Variants in PAQR3 observed in about 807,000 individuals in gnomAD.
PAQR3 encodes Raf kinase trapping to Golgi.
Under a neutral mutation model 41.7 loss-of-function variants are expected in PAQR3, and 39 were observed. That is an observed-to-expected ratio of 0.93 (90% confidence interval 0.72 to 1.22). The LOEUF is 1.22. PAQR3 is among the 50% of genes most tolerant of loss of function. The pLI is 0.00. For synonymous variants in PAQR3, 140 were observed against 140.6 expected, an observed-to-expected ratio of 1.00 and a Z score of 0.03; for missense variants, 366 against 385.6, an observed-to-expected ratio of 0.95 and a Z score of 0.42.
Position 78,901,827 on chromosome 4 carries a change from A to G in PAQR3, c.*836+4281T>C, listed in dbSNP as rs1482051684. 5.3e-5 allele frequency among the ~76,000 whole-genome samples: 8 copies of G among 152,206 alleles called. No homozygotes were observed. In the East Asian group the frequency reaches 1.5e-3, roughly 29 times the overall value. ...TTTTAGTGACATGTAGGCCATATTA[A>G]TTAGGTCACTGAAGTTTTAGATTTC... On this transcript the variant is annotated intron_variant and NMD_transcript_variant, in intron 11 of 12. Coordinates refer to the PAQR3 transcript ENST00000342820.
At position 78,939,201 on chromosome 4, in the gene PAQR3, G is replaced by A. The variant is rs1737775027; in HGVS notation, c.24C>T (p.Ser8=). 2.5e-6 allele frequency: 4 copies of A among 1,608,058 alleles called. No homozygotes were observed. Among genetic ancestry groups the A allele is most frequent in the Non-Finnish European group, 3.4e-6 (4 of 1,177,574 alleles). The change falls in exon 1 of 6, where the codon AGC becomes AGT. Residue 8 remains serine (S), a synonymous_variant. Coordinates refer to ENST00000512733, the MANE Select transcript of PAQR3 (RefSeq NM_001040202.2). MHQKLLK[S]AHYIELGSYQ... Reference sequence around the variant, plus strand: ...AGCTGCCCAGCTCGATGTAATGCGCGCTCTTCAGCAGCTTCTGATGCATCG... The same window carrying A: ...AGCTGCCCAGCTCGATGTAATGCGCACTCTTCAGCAGCTTCTGATGCATCG...
At chr4:78,937,692 T>C (rs571249902) in intron 1 of PAQR3, among the ~76,000 whole-genome samples, 10 of 152,222 alleles carry the variant, frequency 6.6e-5, no homozygotes, top group Non-Finnish European at 1.2e-4. Flanking sequence ...TCAGTGAGGT[T>C]ACATTTTGCT....
downstream of PAQR3, among the ~76,000 whole-genome samples, chr4:78,910,304 A>C (rs1734518184): frequency 6.6e-6 from 1 of 152,194 alleles, no homozygotes; most frequent in Non-Finnish European, 1.5e-5. Context: ...TGGTGGGGTG[A>C]AGAAAATTTG....
chr4:78,939,383 A>C lies in PAQR3; in HGVS notation c.-159T>G. The stretch of plus-strand genomic sequence containing the variant: ...CTGCCCAGGGCCCGGCTCTGCGCTC[A>C]CACCGGCCACTGCCGCCAGCGCCGC... On this transcript the variant is annotated 5_prime_UTR_variant, in exon 1 of 6. Transcript: ENST00000512733. The C allele has an allele frequency of 2.2e-6, 1 of 463,726 alleles. No individual in the cohort carries two copies. Among genetic ancestry groups the C allele is most frequent in the African/African-American group, 2.1e-5 (1 of 48,100 alleles). The allele number at this position is 463,726 out of a possible 1,614,324, so 28.7% of individuals were successfully genotyped here.
intron 5 of PAQR3, chr4:78,922,451 T>C (rs957872270): frequency 1.0e-5 from 13 of 1,287,082 alleles, no homozygotes; most frequent in Non-Finnish European, 4.1e-6. Context: ...GGGATAAATT[T>C]GCAGTTTAGA....
intron 11 of PAQR3, among the ~76,000 whole-genome samples, chr4:78,897,795 A>G (rs1192115196): frequency 3.3e-5 from 5 of 152,200 alleles, no homozygotes; most frequent in Non-Finnish European, 7.3e-5. Context: ...TTCAGGAGCT[A>G]TTTCTATTAC....
At position 78,892,587 on chromosome 4, in the gene PAQR3, A is replaced by G. The variant is rs1403810362; in HGVS notation, c.*837-4439T>C. On this transcript the variant is annotated intron_variant and NMD_transcript_variant, in intron 11 of 12. Transcript: ENST00000342820. ...ATGTTTTCTTCTACCTATTTCAGGA[A>G]TAATTTGCTACTCTTTCTCTAGCTT... 1.7e-4 allele frequency among the ~76,000 whole-genome samples: 26 copies of G among 152,166 alleles called. 1 individual carries two copies. The highest frequency in any genetic ancestry group is 1.7e-3 in the Admixed American group (26 of 15,274).
intron 11 of PAQR3, among the ~76,000 whole-genome samples, chr4:78,895,342 T>G (rs779809208): frequency 6.6e-6 from 1 of 152,248 alleles, no homozygotes; most frequent in Non-Finnish European, 1.5e-5. Context: ...TACAGATTTC[T>G]CTGCAAACAC....
Position 78,930,284 on chromosome 4 carries a change from G to A in PAQR3, c.390C>T (p.Cys130=), listed in dbSNP as rs943190117. The change falls in exon 3 of 6, where the codon TGC becomes TGT. Residue 130 remains cysteine, a synonymous_variant. Coordinates refer to ENST00000512733, the MANE Select transcript of PAQR3 (RefSeq NM_001040202.2). ...LCSVGYHLFS[C]HRSEKTCRRW... is the part of the protein sequence containing the mutation. ...TTCGACATGTTTTTTCTGACCGATG[G>A]CAGGAAAAAAGATGATAGCCCACAG... The A allele has an allele frequency of 3.7e-6, 6 of 1,613,158 alleles. No individual in the cohort carries two copies. In the East Asian group the frequency reaches 6.7e-5, roughly 18 times the overall value.
chr4:78,918,070 A>G lies in PAQR3; in HGVS notation c.*2469T>C. 1 of 977,974 alleles carries G rather than the reference A, an allele frequency of 1.0e-6. No homozygotes were observed. The highest frequency in any genetic ancestry group is 1.2e-6 in the Non-Finnish European group (1 of 822,900). The allele number at this position is 977,974 out of a possible 1,614,324, so 60.6% of individuals were successfully genotyped here. A position where few individuals can be genotyped will look rare whatever the true frequency, so the allele number is the denominator to read the frequency against. On this transcript the variant is annotated 3_prime_UTR_variant, in exon 6 of 6. Transcript: ENST00000512733. ...GAAAATGGCTTAATATAGAAAGATA[A>G]TTGTTTCTTAAATGAGTTAACCACA...
chr4:78,924,957 T>G (rs996893211), intron 4 of PAQR3, among the ~76,000 whole-genome samples: 9 of 152,150 alleles, frequency 5.9e-5, no homozygotes, highest in African/African-American at 2.2e-4. Flanking sequence ...TCAAACATTC[T>G]AGAACACAAC....
At position 78,918,988 on chromosome 4, in the gene PAQR3, G is replaced by GTT; in HGVS notation, c.*1550_*1551insAA. The GTT allele has an allele frequency of 5.1e-6, 5 of 984,932 alleles. No homozygotes were observed. Among genetic ancestry groups the GTT allele is most frequent in the Non-Finnish European group, 6.0e-6 (5 of 829,632 alleles). The allele number at this position is 984,932 out of a possible 1,614,324, so 61.0% of individuals were successfully genotyped here. On this transcript the variant is annotated 3_prime_UTR_variant, in exon 6 of 6. Transcript: ENST00000512733. ...CAAAGCAGCCTTCCATCATAACGAT[G>GTT]GGTAAGACACGGTATTCCTTTACTG...
chr4:78,904,545 A>G (rs1734191854), intron 11 of PAQR3, among the ~76,000 whole-genome samples: 1 of 151,924 alleles, frequency 6.6e-6, no homozygotes, highest in Non-Finnish European at 1.5e-5. Flanking sequence ...TTCTTAATAA[A>G]TTACCCAGAT....
intron 11 of PAQR3, among the ~76,000 whole-genome samples, chr4:78,891,654 A>G (rs1322025889): frequency 6.6e-6 from 1 of 152,066 alleles, no homozygotes; most frequent in Non-Finnish European, 1.5e-5. Context: ...ATATTATTGG[A>G]TGCAGTATAT....
chr4:78,895,546 T>A (rs1733656771), intron 11 of PAQR3, among the ~76,000 whole-genome samples: 1 of 151,186 alleles, frequency 6.6e-6, no homozygotes, highest in Admixed American at 6.6e-5. Context: ...ATAAAAGAAC[T>A]GACACCTAAA....
chr4:78,920,367 A>G lies in PAQR3; in HGVS notation c.*172T>C. ...ATTAGTAGTTTTAAGGATTTTGTAA[A>G]GCAGTTATTACTACAGATCCTTAAG... On this transcript the variant is annotated 3_prime_UTR_variant, in exon 6 of 6. Transcript: ENST00000512733. 8.1e-7 allele frequency: 1 copy of G among 1,235,768 alleles called. No homozygotes were observed. The highest frequency in any genetic ancestry group is 3.7e-5 in the South Asian group (1 of 26,904). The allele number at this position is 1,235,768 out of a possible 1,614,324, so 76.6% of individuals were successfully genotyped here. A position where few individuals can be genotyped will look rare whatever the true frequency, so the allele number is the denominator to read the frequency against.
rs774310675 is a variant in PAQR3, at chr4:78,912,737, A to AAT, written c.*7800_*7801dup. On this transcript the variant is annotated 3_prime_UTR_variant, in exon 6 of 6. Coordinates refer to ENST00000512733, the MANE Select transcript of PAQR3 (RefSeq NM_001040202.2). ...TTCCAAAACAATGTTATACATGATAAATATATATAATTTTTGTCAGTTAAA... is the reference window on the plus strand; with the variant it reads ...TTCCAAAACAATGTTATACATGATAAATATATATATAATTTTTGTCAGTTAAA... The AAT allele has an allele frequency of 6.6e-6, 1 of 152,202 alleles. No homozygotes were observed. Among genetic ancestry groups the AAT allele is most frequent in the Admixed American group, 6.5e-5 (1 of 15,280 alleles). 9.4% of individuals were successfully genotyped at this position (152,202 alleles called of 1,614,324 possible). A position where few individuals can be genotyped will look rare whatever the true frequency, so the allele number is the denominator to read the frequency against.
rs886592867 is a variant in PAQR3 at position 78,912,635 on chromosome 4, T to C, written c.*7904A>G. On this transcript the variant is annotated 3_prime_UTR_variant, in exon 6 of 6. Coordinates refer to ENST00000512733, the MANE Select transcript of PAQR3 (RefSeq NM_001040202.2). ...GTTTCATTTTTAAAAACAAGTGCCA[T>C]TAAAATGGAATATCTAATGATAAGC... The C allele has an allele frequency of 1.3e-5, 2 of 152,190 alleles. No homozygotes were observed. The highest frequency in any genetic ancestry group is 6.5e-5 in the Admixed American group (1 of 15,280). The allele number at this position is 152,190 out of a possible 1,614,324, so 9.4% of individuals were successfully genotyped here.
At chr4:78,910,945 C>G, downstream of PAQR3, 1 of 1,613,724 alleles carries the variant, frequency 6.2e-7, no homozygotes, top group Non-Finnish European at 8.5e-7. Context: ...AGAGGAGAAA[C>G]ATAGCTCTGA....
Sources: gnomAD v4.1 joint callset for allele counts (sites outside exome capture counted in the v4.1 genomes callset) on GRCh38, gnomAD v4.1.1 for gene constraint, MANE v1.5 for transcripts, NCBI Gene and HGNC (gene_info 2026-07-23, HGNC 2026-07-21) for gene names.